GPAT3: variants seen among roughly 807,000 people sequenced by gnomAD.
GPAT3 encodes the protein 1-AGP acyltransferase 9.
In GPAT3, 53 loss-of-function variants were observed where a neutral mutation model predicts 58.8. That is an observed-to-expected ratio of 0.90 (90% CI 0.72 to 1.13). The LOEUF (loss-of-function observed/expected upper bound fraction) is 1.13, where lower values mean the gene tolerates loss of function less well. GPAT3 is among the 50% of genes most tolerant of loss of function. GPAT3 has a pLI of 0.00. For missense variants in GPAT3, 511 were observed against 527.6 expected (o/e 0.97, Z 0.31); for synonymous variants, 197 against 187.4 (o/e 1.05, Z -0.42).
intron 11 of GPAT3, among the ~76,000 whole-genome samples, chr4:83,603,416 A>G (rs1474877013): frequency 1.3e-5 from 2 of 152,240 alleles, no homozygotes; most frequent in Middle Eastern, 3.2e-3. Flanking sequence ...AATGCAACTT[A>G]TGATTTTGTT....
intron 2 of GPAT3, among the ~76,000 whole-genome samples, chr4:83,578,887 C>CTCCCT (rs1725918461): frequency 7.4e-6 from 1 of 135,786 alleles, no homozygotes; most frequent in African/African-American, 2.7e-5. Flanking sequence ...CCTCCCTTCC[C>CTCCCT]TCCCTCCCTC....
intron 2 of GPAT3, among the ~76,000 whole-genome samples, chr4:83,557,759 C>T (rs1285804504): frequency 1.3e-5 from 2 of 152,152 alleles, no homozygotes; most frequent in Non-Finnish European, 2.9e-5. Flanking sequence ...CAGAGAGGGT[C>T]ACTAACTGAG....
Position 83,598,643 on chromosome 4 carries a change from G to A in GPAT3, c.1126-1G>A. ...TGCAATTTTTTTTTTTTTTAAACCA[G>A]GAAGGAGAAGATGCAGTCCAGTTTG... is the stretch of plus-strand genomic sequence containing the variant. On this transcript the variant is annotated splice_acceptor_variant, in intron 10 of 11. Transcript: ENST00000264409. LOFTEE classifies it high-confidence loss of function. 6.3e-7 allele frequency: 1 copy of A among 1,598,650 alleles called. No homozygotes were observed. Among genetic ancestry groups the A allele is most frequent in the East Asian group, 2.3e-5 (1 of 44,370 alleles).
chr4:83,535,597 C>T (rs991105676), upstream of GPAT3: 1 of 580,690 alleles, frequency 1.7e-6, no homozygotes, highest in Non-Finnish European at 2.2e-6. Context: ...TGGAATCTTC[C>T]CCCAGAAAGG....
At chr4:83,544,034 C>A (rs190992211) in intron 1 of GPAT3, among the ~76,000 whole-genome samples, 2 of 152,304 alleles carry the variant, frequency 1.3e-5, no homozygotes, top group African/African-American at 4.8e-5. Context: ...GTGTCCTACC[C>A]CTGAATGTCT....
chr4:83,577,790 T>TTTA (rs1725873531), intron 2 of GPAT3, among the ~76,000 whole-genome samples: 1 of 128,512 alleles, frequency 7.8e-6, no homozygotes, highest in East Asian at 2.2e-4. Context: ...CATTGTGGCT[T>TTTA]TTTTTTTTTT....
At chr4:83,544,469 C>A in intron 1 of GPAT3, 67 bp from the exon 2 acceptor site, 1 of 1,476,946 alleles carries the variant, frequency 6.8e-7, no homozygotes, top group Non-Finnish European at 9.5e-7. Flanking sequence ...TCTGTATAAT[C>A]ATGGTTGAAG....
chr4:83,547,397 T>C (rs502384), intron 2 of GPAT3, among the ~76,000 whole-genome samples: 3,132 of 151,092 alleles, frequency 0.021, 114 homozygotes, highest in African/African-American at 0.069. Flanking sequence ...GGACTACAGG[T>C]GCCCGCCACC....
chr4:83,581,342 T>C (rs190311123), intron 2 of GPAT3, among the ~76,000 whole-genome samples: 1 of 152,102 alleles, frequency 6.6e-6, no homozygotes, highest in East Asian at 1.9e-4. Flanking sequence ...TCTTTATAAT[T>C]AACAAAGATC....
At chr4:83,535,641 C>A, upstream of GPAT3, 2 of 926,534 alleles carry the variant, frequency 2.2e-6, no homozygotes, top group Non-Finnish European at 2.6e-6. Context: ...GGTTTCTGTG[C>A]CAGGGAGATG....
chr4:83,545,511 T>TCCTTTTAG (rs1481351255), intron 2 of GPAT3, among the ~76,000 whole-genome samples: 1 of 152,142 alleles, frequency 6.6e-6, no homozygotes, highest in East Asian at 1.9e-4. Context: ...GAAGCTTTTC[T>TCCTTTTAG]AAAAGGAATT....
intron 6 of GPAT3, among the ~76,000 whole-genome samples, chr4:83,592,638 C>G (rs1265508440): frequency 6.6e-6 from 1 of 152,086 alleles, no homozygotes; most frequent in African/African-American, 2.4e-5. Context: ...TAGACAAAGA[C>G]CTCTACTTTT....
intron 6 of GPAT3, 131 bp from the exon 7 acceptor site, chr4:83,594,714 G>A: frequency 1.4e-6 from 1 of 712,432 alleles, no homozygotes; most frequent in South Asian, 1.8e-5. Context: ...TATTTGATCA[G>A]ACTAAGAACT....
intron 2 of GPAT3, among the ~76,000 whole-genome samples, chr4:83,565,898 A>G (rs1725363648): frequency 6.6e-6 from 1 of 152,226 alleles, no homozygotes; most frequent in African/African-American, 2.4e-5. Context: ...AGGATTCATC[A>G]GTGAAGGAGA....
intron 2 of GPAT3, among the ~76,000 whole-genome samples, chr4:83,550,822 G>A (rs1724723264): frequency 6.6e-6 from 1 of 152,026 alleles, no homozygotes; most frequent in Admixed American, 6.6e-5. Context: ...TGGGGGCAGG[G>A]GTGCAGTTTT....
intron 6 of GPAT3, among the ~76,000 whole-genome samples, chr4:83,591,213 C>T (rs1033200701): frequency 4.6e-5 from 7 of 152,132 alleles, no homozygotes; most frequent in Non-Finnish European, 8.8e-5. Flanking sequence ...GATTAAATGT[C>T]GCTGCAAGTA....
intron 2 of GPAT3, among the ~76,000 whole-genome samples, chr4:83,572,895 G>T (rs1725656113): frequency 6.6e-6 from 1 of 152,144 alleles, no homozygotes; most frequent in Non-Finnish European, 1.5e-5. Flanking sequence ...GTTTGGATTT[G>T]GTATATCTAG....
intron 11 of GPAT3, among the ~76,000 whole-genome samples, chr4:83,601,615 C>T (rs752920201): frequency 6.6e-5 from 10 of 152,106 alleles, no homozygotes; most frequent in African/African-American, 1.2e-4. Flanking sequence ...ATTAGCTGGG[C>T]GCCATGGCGC....
Position 83,536,336 on chromosome 4 carries a change from C to T in GPAT3, c.-287C>T. ...GCCTCCGCTTACCCGCAGCTCCGAC[C>T]ACTGGCTCGCGCTACCCAGGTCTCC... On this transcript the variant is annotated 5_prime_UTR_variant, in exon 1 of 12. Coordinates refer to ENST00000264409, the MANE Select transcript of GPAT3 (RefSeq NM_032717.5). 3 of 1,153,274 alleles carry T rather than the reference C, an allele frequency of 2.6e-6. No individual in the cohort carries two copies. Among genetic ancestry groups the T allele is most frequent in the Non-Finnish European group, 3.2e-6 (3 of 936,284 alleles). 71.4% of individuals were successfully genotyped at this position (1,153,274 alleles called of 1,614,324 possible). A position where few individuals can be genotyped will look rare whatever the true frequency, so the allele number is the denominator to read the frequency against.
Sources: gnomAD v4.1 joint callset for allele counts (sites outside exome capture counted in the v4.1 genomes callset) on GRCh38, gnomAD v4.1.1 for gene constraint, MANE v1.5 for transcripts, NCBI Gene and HGNC (gene_info 2026-07-23, HGNC 2026-07-21) for gene names.